The following GABRA1 variants were observed in gnomAD, a reference collection of about 807,000 sequenced individuals.
The protein encoded by GABRA1 is gamma-aminobutyric acid type A receptor subunit alpha1.
In GABRA1, 9 loss-of-function variants were observed where a neutral mutation model predicts 48.9. That is an observed-to-expected ratio of 0.18 (90% CI 0.11 to 0.32). GABRA1 has a LOEUF of 0.32. Among genes scored for constraint, GABRA1 ranks in the 10% least tolerant of loss-of-function variants. The pLI, the probability that GABRA1 is intolerant of heterozygous loss-of-function variation, is 1.00. For synonymous variants in GABRA1, 210 were observed against 198.7 expected (o/e 1.06, Z -0.48); for missense variants, 285 against 553.8 (o/e 0.51, Z 4.87).
At chr5:161,851,879 C>T (rs900334437) in intron 2 of GABRA1, among the ~76,000 whole-genome samples, 3 of 152,054 alleles carry the variant, frequency 2.0e-5, no homozygotes, top group African/African-American at 7.2e-5. Context: ...TGAAGTGTTA[C>T]TATTGCAATG....
intron 3 of GABRA1, among the ~76,000 whole-genome samples, chr5:161,855,769 G>T (rs1359369631): frequency 6.6e-6 from 1 of 151,222 alleles, no homozygotes; most frequent in Non-Finnish European, 1.5e-5. Flanking sequence ...TGAAAATACT[G>T]GTTGTAATGT....
At chr5:161,847,209 A>AG (rs201310567), upstream of GABRA1, 589 of 151,800 alleles carry the variant, frequency 3.9e-3, 1 homozygote, top group African/African-American at 8.3e-3. Context: ...ATGCCGGAGA[A>AG]GGGGGGGGAA....
chr5:161,880,178 A>AT (rs879772848), intron 6 of GABRA1, among the ~76,000 whole-genome samples: 2 of 151,958 alleles, frequency 1.3e-5, no homozygotes, highest in African/African-American at 2.4e-5. Context: ...CAAGTCATTT[A>AT]TTTTTTTCCC....
At position 161,897,106 on chromosome 5, in the gene GABRA1, T is replaced by C; in HGVS notation, c.1060-5T>C. ...AACAAAATGCATTGCTCTTTCTTTC[T>C]ACAGCCAAAGAAAGTAAAGGATCCT... is the stretch of plus-strand genomic sequence containing the variant. On this transcript the variant is annotated splice_polypyrimidine_tract_variant and splice_region_variant and intron_variant, in intron 9 of 9. Transcript: ENST00000393943. The C allele has an allele frequency of 6.2e-7, 1 of 1,613,830 alleles. No homozygotes were observed. Among genetic ancestry groups the C allele is most frequent in the Non-Finnish European group, 8.5e-7 (1 of 1,179,738 alleles).
chr5:161,863,801 G>A (rs1227341187), intron 3 of GABRA1, among the ~76,000 whole-genome samples: 5 of 151,514 alleles, frequency 3.3e-5, no homozygotes, highest in Non-Finnish European at 7.4e-5. Context: ...TACGCCTCAA[G>A]CGTACCCTAC....
At chr5:161,849,485 G>T (rs180805419) in intron 1 of GABRA1, among the ~76,000 whole-genome samples, 42 of 152,136 alleles carry the variant, frequency 2.8e-4, no homozygotes, top group African/African-American at 9.4e-4. Flanking sequence ...CTATGACGAG[G>T]CTCAGAGTTC....
At chr5:161,847,288 G>A (rs185145997), upstream of GABRA1, 3 of 152,228 alleles carry the variant, frequency 2.0e-5, no homozygotes, top group African/African-American at 7.2e-5. Context: ...CCTAATCCGA[G>A]AATGATGGAG....
At chr5:161,864,428 G>C (rs1289455087) in intron 3 of GABRA1, among the ~76,000 whole-genome samples, 3 of 151,814 alleles carry the variant, frequency 2.0e-5, no homozygotes, top group Admixed American at 6.6e-5. Flanking sequence ...TTATGTGTAG[G>C]GTATAACATG....
intron 4 of GABRA1, chr5:161,872,416 C>A (rs1019468019): frequency 8.5e-5 from 13 of 152,710 alleles, no homozygotes. Flanking sequence ...GGCTTATACA[C>A]ATGTACAATC....
At chr5:161,861,315 A>G (rs1389685179) in intron 3 of GABRA1, among the ~76,000 whole-genome samples, 2 of 151,856 alleles carry the variant, frequency 1.3e-5, no homozygotes, top group African/African-American at 4.8e-5. Context: ...AATTATAAAA[A>G]TTTAAAAAAG....
At chr5:161,864,342 A>G (rs1162197335) in intron 3 of GABRA1, among the ~76,000 whole-genome samples, 2 of 151,994 alleles carry the variant, frequency 1.3e-5, no homozygotes, top group Admixed American at 1.3e-4. Flanking sequence ...TCCCAATGCT[A>G]TCCCTCCAAA....
intron 6 of GABRA1, among the ~76,000 whole-genome samples, chr5:161,877,135 AG>A (rs1276941818): frequency 6.6e-6 from 1 of 152,096 alleles, no homozygotes; most frequent in African/African-American, 2.4e-5. Context: ...TGGTATAGAC[AG>A]GGTCTAGCTA....
At chr5:161,856,676 T>G (rs528548149) in intron 3 of GABRA1, among the ~76,000 whole-genome samples, 1 of 151,490 alleles carries the variant, frequency 6.6e-6, no homozygotes, top group Non-Finnish European at 1.5e-5. Context: ...AAACTTTTTT[T>G]TAAATATTCT....
chr5:161,886,239 A>G (rs947996328), intron 7 of GABRA1, among the ~76,000 whole-genome samples: 1 of 152,146 alleles, frequency 6.6e-6, no homozygotes, highest in Non-Finnish European at 1.5e-5. Flanking sequence ...TGAGATGTGG[A>G]AGCATAGTTG....
intron 6 of GABRA1, among the ~76,000 whole-genome samples, chr5:161,877,887 C>G (rs1241310108): frequency 6.6e-6 from 1 of 152,168 alleles, no homozygotes; most frequent in Non-Finnish European, 1.5e-5. Context: ...TATCTCTCCA[C>G]ATGTCAGCAT....
chr5:161,876,711 T>A (rs1370868703), intron 6 of GABRA1, among the ~76,000 whole-genome samples: 1 of 152,204 alleles, frequency 6.6e-6, no homozygotes, highest in Admixed American at 6.5e-5. Flanking sequence ...CCCTGCTTTT[T>A]TCCCAATTTA....
chr5:161,882,835 AACT>A, intron 7 of GABRA1, 134 bp downstream of exon 7: 1 of 836,172 alleles, frequency 1.2e-6, no homozygotes, highest in South Asian at 1.4e-5. Flanking sequence ...TTGAGCTGGG[AACT>A]AATGTAAACT....
intron 3 of GABRA1, among the ~76,000 whole-genome samples, chr5:161,856,606 A>C (rs915108926): frequency 1.3e-5 from 2 of 151,230 alleles, no homozygotes; most frequent in Non-Finnish European, 3.0e-5. Context: ...ATCCTATTGG[A>C]ATTTAGTACA....
rs1353897543 is a variant in GABRA1 at position 161,873,481 on chromosome 5, T to C, written c.476+144T>C. ...AACAATCTTAAAAATCTCTCCAACC[T>C]GTTCTAATTCCCTCAGTCAAGGATG... On this transcript the variant is annotated intron_variant, in intron 5 of 9. Transcript: ENST00000393943. The C allele has an allele frequency of 8.2e-6, 6 of 735,024 alleles. No individual in the cohort carries two copies. In the Admixed American group the frequency reaches 1.0e-4, roughly 12 times the overall value. The allele number at this position is 735,024 out of a possible 1,614,324, so 45.5% of individuals were successfully genotyped here.
Sources: gnomAD v4.1 joint callset for allele counts (sites outside exome capture counted in the v4.1 genomes callset) on GRCh38, gnomAD v4.1.1 for gene constraint, MANE v1.5 for transcripts, NCBI Gene and HGNC (gene_info 2026-07-23, HGNC 2026-07-21) for gene names.